The following RAPGEF4 variants were observed in gnomAD, a reference collection of about 807,000 sequenced individuals.
The protein encoded by RAPGEF4 is Rap guanine nucleotide exchange factor 4.
RAPGEF4 carries 66 observed loss-of-function variants against 147.9 expected under a neutral mutation model. The observed-to-expected ratio is 0.45, with a 90% CI of 0.37 to 0.55. The LOEUF is 0.55. RAPGEF4 is among the 20% of genes least tolerant of loss of function. RAPGEF4 has a pLI of 0.00. For synonymous variants in RAPGEF4, 419 were observed against 442.7 expected, an observed-to-expected ratio of 0.95 and a Z score of 0.67; for missense variants, 1,071 against 1,257.3, an observed-to-expected ratio of 0.85 and a Z score of 2.24.
intron 6 of RAPGEF4, among the ~76,000 whole-genome samples, chr2:172,949,473 G>T (rs1688001303): frequency 6.6e-6 from 1 of 152,088 alleles, no homozygotes; most frequent in African/African-American, 2.4e-5. Flanking sequence ...AGAAAATCAG[G>T]AATACCCTAA....
chr2:172,986,811 A>G (rs571549116), intron 12 of RAPGEF4, among the ~76,000 whole-genome samples: 1 of 151,846 alleles, frequency 6.6e-6, no homozygotes, highest in African/African-American at 2.4e-5. Context: ...CTCCTGCCTC[A>G]GCCTCCCAAG....
At chr2:172,959,832 A>G (rs1466650815) in intron 6 of RAPGEF4, among the ~76,000 whole-genome samples, 3 of 152,190 alleles carry the variant, frequency 2.0e-5, no homozygotes, top group Non-Finnish European at 2.9e-5. Flanking sequence ...GCTCATGCCT[A>G]TAATCCCAGC....
chr2:173,019,867 A>G (rs1349507454), intron 22 of RAPGEF4, among the ~76,000 whole-genome samples: 1 of 152,006 alleles, frequency 6.6e-6, no homozygotes, highest in African/African-American at 2.4e-5. Flanking sequence ...TTCCCCTTAC[A>G]CAAGCTTCCT....
chr2:172,937,800 CAT>C (rs1491533225), intron 6 of RAPGEF4, among the ~76,000 whole-genome samples: 2 of 151,934 alleles, frequency 1.3e-5, no homozygotes, highest in Admixed American at 6.6e-5. Context: ...TTTATTCTGT[CAT>C]TTTTTTTATA....
chr2:172,768,320 T>C (rs1697040114), intron 1 of RAPGEF4, among the ~76,000 whole-genome samples: 1 of 151,992 alleles, frequency 6.6e-6, no homozygotes, highest in East Asian at 1.9e-4. Flanking sequence ...AGAGGAAAAA[T>C]ATATCTACCA....
chr2:172,905,605 T>A (rs552511731), intron 4 of RAPGEF4, among the ~76,000 whole-genome samples: 2 of 152,348 alleles, frequency 1.3e-5, no homozygotes, highest in East Asian at 3.9e-4. Flanking sequence ...GCTTGTAGTG[T>A]CATCCCAGTT....
At chr2:172,943,084 C>T (rs543277630) in intron 6 of RAPGEF4, among the ~76,000 whole-genome samples, 1 of 152,130 alleles carries the variant, frequency 6.6e-6, no homozygotes, top group South Asian at 2.1e-4. Context: ...GGGGAACACA[C>T]GTTTTAGGCA....
At chr2:172,979,368 A>C (rs41514546) in intron 10 of RAPGEF4, among the ~76,000 whole-genome samples, 11,160 of 152,244 alleles carry the variant, frequency 0.073, 603 homozygotes, top group South Asian at 0.16. Flanking sequence ...GTTCACTCAT[A>C]CGATGAGCCA....
Position 173,022,136 on chromosome 2 carries a change from T to C in RAPGEF4, c.2253+1421T>C, listed in dbSNP as rs142927320. Reference sequence around the variant, plus strand: ...CAGCGCAGCCCCATTAAAGGTGCTATGTGACATGTTACTGCACGGGTGCTG... The same window carrying C: ...CAGCGCAGCCCCATTAAAGGTGCTACGTGACATGTTACTGCACGGGTGCTG... On this transcript the variant is annotated intron_variant, in intron 23 of 30. Transcript: ENST00000397081. 3.0e-3 allele frequency among the ~76,000 whole-genome samples: 458 copies of C among 152,328 alleles called. 1 individual carries two copies. Among genetic ancestry groups the C allele is most frequent in the Admixed American group, 4.8e-3 (74 of 15,306 alleles).
intron 6 of RAPGEF4, among the ~76,000 whole-genome samples, chr2:172,957,625 C>T (rs1688872337): frequency 6.6e-6 from 1 of 152,220 alleles, no homozygotes; most frequent in African/African-American, 2.4e-5. Context: ...CTGCTTTCCC[C>T]TGCATGTGTT....
chr2:172,852,777 GAC>G (rs1692999131), intron 4 of RAPGEF4, among the ~76,000 whole-genome samples: 2 of 151,986 alleles, frequency 1.3e-5, no homozygotes. Context: ...GTATATTAAA[GAC>G]ATATCTTTTT....
chr2:172,927,863 G>A (rs201615857), intron 6 of RAPGEF4, among the ~76,000 whole-genome samples: 39 of 152,282 alleles, frequency 2.6e-4, no homozygotes, highest in Admixed American at 1.5e-3. Flanking sequence ...GGTACCAGTG[G>A]CCTCACTAGT....
chr2:173,023,940 A>G (rs1319490027), intron 23 of RAPGEF4, among the ~76,000 whole-genome samples: 8 of 152,368 alleles, frequency 5.3e-5, no homozygotes. Flanking sequence ...TCTGAGAGGC[A>G]GTCGTAAACC....
intron 1 of RAPGEF4, among the ~76,000 whole-genome samples, chr2:172,778,962 G>A (rs965279352): frequency 2.6e-5 from 4 of 152,082 alleles, no homozygotes. Flanking sequence ...TACTGTTTTG[G>A]TAAGTATGGT....
chr2:172,909,816 T>C (rs1699934430), intron 4 of RAPGEF4, among the ~76,000 whole-genome samples: 1 of 152,194 alleles, frequency 6.6e-6, no homozygotes, highest in South Asian at 2.1e-4. Context: ...GCATTACTGA[T>C]ATGGTCATCT....
At chr2:173,021,851 T>G (rs1035227421) in intron 23 of RAPGEF4, among the ~76,000 whole-genome samples, 2 of 152,178 alleles carry the variant, frequency 1.3e-5, no homozygotes, top group African/African-American at 4.8e-5. Flanking sequence ...TGAATTCACT[T>G]GGAGAGGAAC....
At chr2:172,945,261 T>G (rs985795717) in intron 6 of RAPGEF4, among the ~76,000 whole-genome samples, 1 of 152,140 alleles carries the variant, frequency 6.6e-6, no homozygotes, top group Non-Finnish European at 1.5e-5. Flanking sequence ...GCTTCCATAT[T>G]TTATATGGTA....
At chr2:172,964,228 G>A (rs1689597888) in intron 8 of RAPGEF4, among the ~76,000 whole-genome samples, 2 of 151,926 alleles carry the variant, frequency 1.3e-5, no homozygotes, top group Non-Finnish European at 2.9e-5. Context: ...CTGTAATAAG[G>A]GCAGTCCTGG....
At chr2:172,800,749 C>T (rs1050606836) in intron 3 of RAPGEF4, among the ~76,000 whole-genome samples, 10 of 152,114 alleles carry the variant, frequency 6.6e-5, no homozygotes, top group African/African-American at 2.4e-4. Flanking sequence ...AGTGAGTAGA[C>T]GAGGTACACG....
Sources: allele counts gnomAD v4.1 joint callset (sites outside exome capture counted in the v4.1 genomes callset), GRCh38; gene constraint gnomAD v4.1.1; transcripts MANE v1.5; gene names NCBI Gene and HGNC (gene_info 2026-07-23, HGNC 2026-07-21).